EFR3A: variants seen among roughly 807,000 people sequenced by gnomAD.
EFR3A encodes EFR3 homolog A.
In EFR3A, 76 loss-of-function variants were observed where a neutral mutation model predicts 104.4. The ratio of observed to expected loss-of-function variants is 0.73; its 90% CI spans 0.60 to 0.88. The LOEUF is 0.88. Ranked by LOEUF, EFR3A falls within the 40% of genes least tolerant of loss-of-function variation. The pLI is 0.00. For synonymous variants in EFR3A, 330 were observed against 330.0 expected (o/e 1.00, Z 0.00); for missense variants, 985 against 1,012.5 (o/e 0.97, Z 0.37).
intron 19 of EFR3A, among the ~76,000 whole-genome samples, chr8:132,001,484 A>G (rs1821777987): frequency 6.6e-6 from 1 of 152,152 alleles, no homozygotes; most frequent in Non-Finnish European, 1.5e-5. Context: ...TCTGTAATTC[A>G]AGGGTGGTTT....
chr8:131,934,304 C>T (rs1817764963), intron 1 of EFR3A, among the ~76,000 whole-genome samples: 1 of 152,080 alleles, frequency 6.6e-6, no homozygotes, highest in South Asian at 2.1e-4. Flanking sequence ...TTCACTGTCT[C>T]TAGTTTATTC....
At chr8:131,945,605 A>G (rs903099107) in intron 3 of EFR3A, among the ~76,000 whole-genome samples, 1 of 152,068 alleles carries the variant, frequency 6.6e-6, no homozygotes, top group African/African-American at 2.4e-5. Context: ...AAGGAAAAGT[A>G]TCCAAAGACT....
At chr8:131,958,290 GA>G (rs1205557408) in intron 7 of EFR3A, among the ~76,000 whole-genome samples, 1 of 152,162 alleles carries the variant, frequency 6.6e-6, no homozygotes, top group Admixed American at 6.5e-5. Flanking sequence ...TTCTGAGAGT[GA>G]AGATGGAAGA....
intron 7 of EFR3A, among the ~76,000 whole-genome samples, chr8:131,956,989 A>C (rs1451982440): frequency 6.6e-6 from 1 of 152,144 alleles, no homozygotes; most frequent in East Asian, 1.9e-4. Context: ...AAATCTAGAG[A>C]GCTAGCTTGG....
At chr8:131,961,963 T>C (rs898028841) in intron 8 of EFR3A, among the ~76,000 whole-genome samples, 3 of 152,056 alleles carry the variant, frequency 2.0e-5, no homozygotes, top group African/African-American at 7.2e-5. Context: ...CAAACTAAGC[T>C]TCATAAGTGA....
At chr8:131,979,146 T>A in intron 13 of EFR3A, 127 bp downstream of exon 13, 1 of 1,127,148 alleles carries the variant, frequency 8.9e-7, no homozygotes, top group Non-Finnish European at 1.2e-6. Flanking sequence ...TTTATTTAAT[T>A]GGTATTGAGA....
intron 1 of EFR3A, among the ~76,000 whole-genome samples, chr8:131,924,907 G>A (rs2130464668): frequency 6.6e-6 from 1 of 152,046 alleles, no homozygotes; most frequent in Non-Finnish European, 1.5e-5. Context: ...ATTCTTTCAA[G>A]CATGTAAGTT....
At position 131,998,210 on chromosome 8, in the gene EFR3A, T is replaced by G. The variant is rs188536375; in HGVS notation, c.2157+1713T>G. 2.6e-3 allele frequency among the ~76,000 whole-genome samples: 403 copies of G among 152,190 alleles called. 1 individual carries two copies. The highest frequency in any genetic ancestry group is 3.8e-3 in the Non-Finnish European group (259 of 67,898). Reference sequence around the variant, plus strand: ...TACTATCTTCTAGGCTAAAACTAATTAATTACTTTCATATAATGGACAGGA... The same window carrying G: ...TACTATCTTCTAGGCTAAAACTAATGAATTACTTTCATATAATGGACAGGA... On this transcript the variant is annotated intron_variant, in intron 19 of 22. Coordinates refer to ENST00000254624, the MANE Select transcript of EFR3A (RefSeq NM_015137.6).
rs1816110517 is a variant in EFR3A, at chr8:131,904,106, C to G, written c.-207C>G. ...CGGGCGTGGGTCGTCCGTCGCGCCG[C>G]CCGGCGAGGAGTGGGCTGGCGGCGG... On this transcript the variant is annotated 5_prime_UTR_variant, in exon 1 of 23. Coordinates refer to ENST00000254624, the MANE Select transcript of EFR3A (RefSeq NM_015137.6). 1 of 490,044 alleles carries G rather than the reference C, an allele frequency of 2.0e-6. No individual in the cohort carries two copies. The highest frequency in any genetic ancestry group is 2.0e-5 in the African/African-American group (1 of 49,728). The allele number at this position is 490,044 out of a possible 1,614,324, so 30.4% of individuals were successfully genotyped here.
chr8:132,010,476 AAG>A (rs1355667525), intron 22 of EFR3A, among the ~76,000 whole-genome samples: 1 of 145,492 alleles, frequency 6.9e-6, no homozygotes, highest in African/African-American at 2.5e-5. Flanking sequence ...GTCATCAAAA[AAG>A]ATAATATCTG....
rs1818777698 is a variant in EFR3A, at chr8:131,952,851, TCCC to T, written c.489-966_489-964del. Among the ~76,000 whole-genome samples the T allele has an allele frequency of 4.6e-5, 7 of 152,250 alleles. No homozygotes were observed. In the South Asian group the frequency reaches 1.4e-3, roughly 32 times the overall value. ...CATGGAGATGTAAAGCAATGTCACC[TCCC>T]TCCCCATATCTTCTATTCTTTAAAC... On this transcript the variant is annotated intron_variant, in intron 5 of 22. Coordinates refer to ENST00000254624, the MANE Select transcript of EFR3A (RefSeq NM_015137.6).
At chr8:131,905,339 C>T (rs1352852668) in intron 1 of EFR3A, among the ~76,000 whole-genome samples, 1 of 152,112 alleles carries the variant, frequency 6.6e-6, no homozygotes, top group Non-Finnish European at 1.5e-5. Flanking sequence ...AGGTCAGTCT[C>T]CAATGCACGT....
At chr8:131,970,724 G>T (rs1475859481) in intron 10 of EFR3A, 81 bp downstream of exon 10, 1 of 1,319,990 alleles carries the variant, frequency 7.6e-7, no homozygotes, top group Non-Finnish European at 1.0e-6. Context: ...GACTATTATA[G>T]TACATTTGTC....
chr8:132,001,797 G>T lies in EFR3A; in HGVS notation c.2196G>T (p.Lys732Asn). ...NTEEITFEALKKAIDTSGMEE... is the reference protein window; with the variant it reads ...NTEEITFEALNKAIDTSGMEE... ...AAGAAATCACTTTTGAAGCATTGAA[G>T]AAAGCAATTGGTGAGATATTTTGCA... Residue 732 changes from lysine to asparagine, a missense_variant, in exon 20 of 23, where the codon AAG becomes AAT. Lys to Asn is a moderately conservative substitution (Grantham distance 94, BLOSUM62 0). Coordinates refer to ENST00000254624, the MANE Select transcript of EFR3A (RefSeq NM_015137.6). The T allele has an allele frequency of 1.9e-6, 3 of 1,613,230 alleles. No homozygotes were observed. Among genetic ancestry groups the T allele is most frequent in the Non-Finnish European group, 1.7e-6 (2 of 1,179,358 alleles).
rs554211546 is a variant in EFR3A, at chr8:131,931,542, G to A, written c.11-8957G>A. Among the ~76,000 whole-genome samples the A allele has an allele frequency of 3.3e-5, 5 of 152,014 alleles. No homozygotes were observed. In the South Asian group the frequency reaches 1.0e-3, roughly 32 times the overall value. On this transcript the variant is annotated intron_variant, in intron 1 of 22. Coordinates refer to ENST00000254624, the MANE Select transcript of EFR3A (RefSeq NM_015137.6). ...TATATATTTTGTTTTCTGTAATGTT[G>A]ATTTCTTACAATCTCAATATATATT... is the stretch of plus-strand genomic sequence containing the variant.
At chr8:131,945,516 G>C (rs867102396) in intron 3 of EFR3A, among the ~76,000 whole-genome samples, 1 of 152,036 alleles carries the variant, frequency 6.6e-6, no homozygotes, top group Middle Eastern at 3.4e-3. Context: ...TGATATATTA[G>C]CTTTCTGTAC....
intron 5 of EFR3A, among the ~76,000 whole-genome samples, chr8:131,950,608 G>A (rs1389017768): frequency 6.6e-6 from 1 of 152,000 alleles, no homozygotes; most frequent in Non-Finnish European, 1.5e-5. Context: ...TTCTTATCAT[G>A]TATCTCCTTG....
At position 131,950,071 on chromosome 8, in the gene EFR3A, G is replaced by A; in HGVS notation, c.469G>A (p.Asp157Asn). ...TGCCATGTGCCATTCCTGTCATAGT[G>A]ATCCAGAAATACGAACAGAGTATGT... is the stretch of plus-strand genomic sequence containing the variant. ...FSAMCHSCHSDPEIRTEIRIA... is the reference protein window; with the variant it reads ...FSAMCHSCHSNPEIRTEIRIA... The change falls in exon 5 of 23, where the codon GAT (aspartate) becomes AAT (asparagine). Residue 157 changes from aspartate to asparagine, a missense_variant. By Grantham distance (23) the Asp-to-Asn change is conservative. Coordinates refer to ENST00000254624, the MANE Select transcript of EFR3A (RefSeq NM_015137.6). 1 of 1,609,272 alleles carries A rather than the reference G, an allele frequency of 6.2e-7. No individual in the cohort carries two copies. The highest frequency in any genetic ancestry group is 8.5e-7 in the Non-Finnish European group (1 of 1,177,456).
intron 1 of EFR3A, among the ~76,000 whole-genome samples, chr8:131,921,866 A>G (rs1285750389): frequency 6.6e-6 from 1 of 152,192 alleles, no homozygotes; most frequent in African/African-American, 2.4e-5. Context: ...GTACATATCT[A>G]CTAAATATAG....
Sources: gnomAD v4.1 joint callset for allele counts (sites outside exome capture counted in the v4.1 genomes callset) on GRCh38, gnomAD v4.1.1 for gene constraint, MANE v1.5 for transcripts, NCBI Gene and HGNC (gene_info 2026-07-23, HGNC 2026-07-21) for gene names.